ABLIM1: variants seen among roughly 807,000 people sequenced by gnomAD.
The protein encoded by ABLIM1 is actin binding LIM protein 1, also known as actin-binding LIM protein 1.
ABLIM1 carries 40 observed loss-of-function variants against 107.0 expected under a neutral mutation model. The ratio of observed to expected loss-of-function variants is 0.37; its 90% CI spans 0.29 to 0.49. The LOEUF (loss-of-function observed/expected upper bound fraction) is 0.49. Ranked by LOEUF, ABLIM1 falls within the 20% of genes least tolerant of loss-of-function variation. ABLIM1 has a pLI of 0.97. For synonymous variants in ABLIM1, 357 were observed against 357.3 expected (o/e 1.00, Z 0.01); for missense variants, 857 against 1,008.5 (o/e 0.85, Z 2.04).
At chr10:114,509,956 C>T (rs192792327) in intron 6 of ABLIM1, among the ~76,000 whole-genome samples, 51 of 152,314 alleles carry the variant, frequency 3.3e-4, no homozygotes, top group African/African-American at 1.2e-3. Context: ...AGCAAGAGAA[C>T]TTGTGCAGGG....
chr10:114,719,398 AGTT>A (rs1000523232), intron 1 of ABLIM1, among the ~76,000 whole-genome samples: 25 of 152,326 alleles, frequency 1.6e-4, no homozygotes, highest in Admixed American at 3.9e-4. Flanking sequence ...AGGGTTACTT[AGTT>A]GTTTAAACAG....
At chr10:114,551,604 T>C (rs2068068833) in intron 4 of ABLIM1, among the ~76,000 whole-genome samples, 1 of 152,174 alleles carries the variant, frequency 6.6e-6, no homozygotes, top group South Asian at 2.1e-4. Flanking sequence ...AATCAGAGAC[T>C]GAAGTGAAAG....
At chr10:114,465,936 T>A in intron 11 of ABLIM1, 109 bp from the exon 12 acceptor site, 1 of 1,244,050 alleles carries the variant, frequency 8.0e-7, no homozygotes, top group Admixed American at 2.3e-5. Flanking sequence ...ATATATTTGA[T>A]TAATATATGC....
intron 2 of ABLIM1, among the ~76,000 whole-genome samples, chr10:114,582,152 C>T (rs2073462382): frequency 1.3e-5 from 2 of 152,114 alleles, no homozygotes; most frequent in African/African-American, 4.8e-5. Context: ...AGAACTGACA[C>T]ATGATTTCAA....
chr10:114,545,355 G>A (rs759719005), intron 5 of ABLIM1, among the ~76,000 whole-genome samples: 19 of 152,184 alleles, frequency 1.2e-4, no homozygotes, highest in Non-Finnish European at 2.2e-4. Context: ...CACCCTTGCC[G>A]ATTTTTTACT....
At chr10:114,602,811 G>A (rs1328705102) in intron 1 of ABLIM1, among the ~76,000 whole-genome samples, 1 of 152,182 alleles carries the variant, frequency 6.6e-6, no homozygotes, top group Non-Finnish European at 1.5e-5. Flanking sequence ...TCCAGAGTGT[G>A]GCCTTCAGAG....
At chr10:114,678,557 A>T (rs995124982) in intron 1 of ABLIM1, among the ~76,000 whole-genome samples, 1 of 152,190 alleles carries the variant, frequency 6.6e-6, no homozygotes, top group African/African-American at 2.4e-5. Flanking sequence ...CCATTTATTT[A>T]TGTATTGTCT....
At chr10:114,758,106 A>C (rs1591951857) in intron 1 of ABLIM1, among the ~76,000 whole-genome samples, 2 of 151,962 alleles carry the variant, frequency 1.3e-5, no homozygotes, top group African/African-American at 4.8e-5. Context: ...ATGCAATAGC[A>C]CCTTCCCCAC....
At chr10:114,724,480 G>A (rs921143538) in intron 1 of ABLIM1, among the ~76,000 whole-genome samples, 1 of 152,176 alleles carries the variant, frequency 6.6e-6, no homozygotes, top group Admixed American at 6.5e-5. Flanking sequence ...AGGCAAAGTT[G>A]TCTTTGGCAA....
chr10:114,510,871 C>T (rs1056622328), intron 6 of ABLIM1, among the ~76,000 whole-genome samples: 112 of 151,922 alleles, frequency 7.4e-4, no homozygotes, highest in Non-Finnish European at 1.0e-4. Context: ...AGGCTGGTCT[C>T]AAACTCCTGG....
chr10:114,701,721 T>G lies in ABLIM1; in HGVS notation c.-213+66340A>C, dbSNP rs556899451. 3.9e-5 allele frequency among the ~76,000 whole-genome samples: 6 copies of G among 152,282 alleles called. No homozygotes were observed. In the East Asian group the frequency reaches 1.2e-3, roughly 29 times the overall value. ...GAAGTTCTAGAAAAGGCTAATCTAA[T>G]TAGGACCTTGATTGTCTGGGAGTGA... is the stretch of plus-strand genomic sequence containing the variant. On this transcript the variant is annotated intron_variant, in intron 1 of 15. Transcript: ENST00000651092.
chr10:114,440,620 T>C (rs1294396239), intron 19 of ABLIM1, among the ~76,000 whole-genome samples: 1 of 151,946 alleles, frequency 6.6e-6, no homozygotes, highest in Admixed American at 6.6e-5. Context: ...TTATAATTTG[T>C]TGTTGTTGTT....
chr10:114,798,291 C>T, the ABLIM1 span, among the ~76,000 whole-genome samples: 3 of 151,760 alleles, frequency 2.0e-5, no homozygotes, highest in Non-Finnish European at 4.4e-5. Flanking sequence ...TGTGGTGGTG[C>T]GCGCCTGTAG....
At chr10:114,542,480 A>C (rs923421909) in intron 6 of ABLIM1, among the ~76,000 whole-genome samples, 8 of 151,516 alleles carry the variant, frequency 5.3e-5, no homozygotes, top group African/African-American at 1.9e-4. Context: ...TGAAGAAGGA[A>C]GAAAGATGAA....
Position 114,545,096 on chromosome 10 carries a change from T to C in ABLIM1, c.803A>G (p.Asp268Gly). Residue 268 changes from aspartate (D) to glycine (G), a missense_variant and splice_region_variant, in exon 6 of 23, where the codon GAT (aspartate) becomes GGT (glycine). Asp to Gly is a moderately conservative substitution (Grantham distance 94, BLOSUM62 -1). Around this residue, in one of 5 missense-constraint regions of ABLIM1, gnomAD observed 381 missense variants for 506.9 expected, o/e 0.75. Transcript: ENST00000533213. ...KVLTGEYISK[D>G]GAPYCEKDYQ... is the part of the protein sequence containing the mutation. ...GTCCTTTTCACAGTACGGAGCACCA[T>C]CCCTGCAAGACAAAAACGTGTTCGG... The C allele has an allele frequency of 6.2e-7, 1 of 1,614,038 alleles. No homozygotes were observed. Among genetic ancestry groups the C allele is most frequent in the Non-Finnish European group, 8.5e-7 (1 of 1,179,968 alleles).
chr10:114,433,349 A>G lies in ABLIM1; in HGVS notation c.*2911T>C, dbSNP rs1195459817. 1 of 152,210 alleles carries G rather than the reference A, an allele frequency of 6.6e-6. No homozygotes were observed. The highest frequency in any genetic ancestry group is 2.4e-5 in the African/African-American group (1 of 41,466). 9.4% of individuals were successfully genotyped at this position (152,210 alleles called of 1,614,324 possible). A position where few individuals can be genotyped will look rare whatever the true frequency, so the allele number is the denominator to read the frequency against. Reference sequence around the variant, plus strand: ...GCAGGCATTCTAGCCCACACATTCAATCTGGCAGTTAGCAGGAACCAGGTT... The same window carrying G: ...GCAGGCATTCTAGCCCACACATTCAGTCTGGCAGTTAGCAGGAACCAGGTT... On this transcript the variant is annotated 3_prime_UTR_variant, in exon 23 of 23. Transcript: ENST00000533213.
At chr10:114,704,316 A>C (rs866234995) in intron 1 of ABLIM1, among the ~76,000 whole-genome samples, 1,539 of 76,116 alleles carry the variant, frequency 0.02, 32 homozygotes, top group Middle Eastern at 0.03. Context: ...ATATATATAT[A>C]TATATATATA....
At chr10:114,623,476 T>C (rs1400553124) in intron 1 of ABLIM1, among the ~76,000 whole-genome samples, 1 of 152,178 alleles carries the variant, frequency 6.6e-6, no homozygotes, top group Non-Finnish European at 1.5e-5. Context: ...CTTTTTGCCA[T>C]CTGTGCATGG....
chr10:114,661,438 G>A (rs971898570), upstream of ABLIM1, among the ~76,000 whole-genome samples: 2 of 152,146 alleles, frequency 1.3e-5, no homozygotes, highest in African/African-American at 4.8e-5. Flanking sequence ...CAGAGGCCAA[G>A]CCTCCAGTCT....
Sources: gnomAD v4.1 joint callset for allele counts (sites outside exome capture counted in the v4.1 genomes callset) on GRCh38, gnomAD v4.1.1 for gene constraint, gnomAD v4.1.1 regional missense constraint, MANE v1.5 for transcripts, NCBI Gene and HGNC (gene_info 2026-07-23, HGNC 2026-07-21) for gene names.